GPM6A: variants seen among roughly 807,000 people sequenced by gnomAD.
The protein encoded by GPM6A is glycoprotein M6A, also known as neuronal membrane glycoprotein M6-a.
GPM6A carries 7 observed loss-of-function variants against 32.1 expected under a neutral mutation model. That is an observed-to-expected ratio of 0.22 (90% CI 0.12 to 0.41). The LOEUF (loss-of-function observed/expected upper bound fraction) is 0.41, where lower values mean the gene tolerates loss of function less well. GPM6A is among the 10% of genes least tolerant of loss of function. GPM6A has a pLI of 1.00. For missense variants in GPM6A, 235 were observed against 347.2 expected (o/e 0.68, Z 2.57); for synonymous variants, 130 against 123.4 (o/e 1.05, Z -0.35).
intron 1 of GPM6A, chr4:175,962,322 GC>G: frequency 1.0e-6 from 1 of 967,968 alleles, no homozygotes; most frequent in African/African-American, 1.6e-5. Context: ...GGGTCCTGTG[GC>G]CACTCCTGAA....
chr4:175,834,918 C>T (rs1206993609), intron 1 of GPM6A, among the ~76,000 whole-genome samples: 1 of 152,130 alleles, frequency 6.6e-6, no homozygotes, highest in African/African-American at 2.4e-5. Context: ...TCAAGAGCTC[C>T]CTTACCAGCC....
At chr4:175,838,318 G>A (rs950606467) in intron 1 of GPM6A, among the ~76,000 whole-genome samples, 9 of 149,080 alleles carry the variant, frequency 6.0e-5, no homozygotes, top group African/African-American at 1.7e-4. Context: ...TCATCCAAGC[G>A]TCAGACAGTA....
intron 1 of GPM6A, among the ~76,000 whole-genome samples, chr4:175,847,623 T>C (rs1487464181): frequency 6.6e-6 from 1 of 152,090 alleles, no homozygotes; most frequent in Non-Finnish European, 1.5e-5. Flanking sequence ...ATGCTGGCAA[T>C]TTGGATACGC....
intron 1 of GPM6A, among the ~76,000 whole-genome samples, chr4:175,844,977 A>G (rs2111391892): frequency 6.6e-6 from 1 of 152,220 alleles, no homozygotes; most frequent in South Asian, 2.1e-4. Context: ...GCTGTATTAT[A>G]TTTTGCATAA....
chr4:175,838,794 C>T (rs1218863476), intron 1 of GPM6A, among the ~76,000 whole-genome samples: 1 of 151,688 alleles, frequency 6.6e-6, no homozygotes, highest in Non-Finnish European at 1.5e-5. Flanking sequence ...CCTGGGACTG[C>T]AGGCCCACAA....
intron 1 of GPM6A, among the ~76,000 whole-genome samples, chr4:175,863,272 C>G (rs1166394588): frequency 6.6e-6 from 1 of 152,058 alleles, no homozygotes; most frequent in Admixed American, 6.6e-5. Context: ...CACGAGATCT[C>G]TTCTTTGACA....
intron 3 of GPM6A, among the ~76,000 whole-genome samples, chr4:175,669,468 C>T (rs1320689924): frequency 6.6e-6 from 1 of 152,074 alleles, no homozygotes; most frequent in Non-Finnish European, 1.5e-5. Flanking sequence ...TCCAAATACC[C>T]CAAATCTGCA....
chr4:175,845,113 A>G (rs979655233), intron 1 of GPM6A, among the ~76,000 whole-genome samples: 1 of 151,876 alleles, frequency 6.6e-6, no homozygotes, highest in Admixed American at 6.6e-5. Flanking sequence ...AAAAAAAGAG[A>G]AACATATTTT....
chr4:175,806,386 TA>T (rs965340984), intron 1 of GPM6A, among the ~76,000 whole-genome samples: 4 of 152,220 alleles, frequency 2.6e-5, no homozygotes, highest in African/African-American at 9.6e-5. Flanking sequence ...ATTAATGAAG[TA>T]ACTATATCAA....
At chr4:175,851,303 G>A (rs1459168700) in intron 1 of GPM6A, among the ~76,000 whole-genome samples, 1 of 152,068 alleles carries the variant, frequency 6.6e-6, no homozygotes, top group Non-Finnish European at 1.5e-5. Flanking sequence ...TGGCCAACAT[G>A]GTGAAATCCT....
intron 1 of GPM6A, among the ~76,000 whole-genome samples, chr4:175,879,944 G>A (rs767625670): frequency 3.9e-5 from 6 of 152,216 alleles, no homozygotes; most frequent in South Asian, 2.1e-4. Context: ...AAAAACAGGG[G>A]ACATGAAGTC....
chr4:175,727,245 G>A (rs1297471384), intron 1 of GPM6A, among the ~76,000 whole-genome samples: 1 of 152,154 alleles, frequency 6.6e-6, no homozygotes, highest in Non-Finnish European at 1.5e-5. Context: ...TACAAAAGTA[G>A]AAGCAGTACT....
chr4:175,815,299 G>A (rs1478584860), upstream of GPM6A, among the ~76,000 whole-genome samples: 1 of 152,182 alleles, frequency 6.6e-6, no homozygotes, highest in Non-Finnish European at 1.5e-5. Context: ...ACAGGCGTGA[G>A]CCACCAAGCC....
rs558202441 is a variant in GPM6A, at chr4:175,665,758, G to A, written c.387+7922C>T. Among the ~76,000 whole-genome samples the A allele has an allele frequency of 2.0e-5, 3 of 150,490 alleles. No individual in the cohort carries two copies. In the East Asian group the frequency reaches 6.0e-4, roughly 30 times the overall value. ...GATCATGCCACTGCACTCCAGCCTG[G>A]GCAACAAGAGCAAAACTCCATTTAA... On this transcript the variant is annotated intron_variant, in intron 3 of 6. Coordinates refer to ENST00000393658, the MANE Select transcript of GPM6A (RefSeq NM_201591.3).
intron 2 of GPM6A, among the ~76,000 whole-genome samples, chr4:175,699,261 T>A (rs1484061807): frequency 2.6e-5 from 4 of 152,144 alleles, no homozygotes; most frequent in African/African-American, 7.2e-5. Context: ...CTAGAGCATT[T>A]TAATTATATT....
intron 1 of GPM6A, among the ~76,000 whole-genome samples, chr4:175,832,666 T>C (rs775376852): frequency 1.7e-4 from 26 of 152,232 alleles, no homozygotes; most frequent in Admixed American, 1.4e-3. Flanking sequence ...AATAGTAGAA[T>C]GTTTTATGTC....
At chr4:175,663,684 T>TA (rs974549157) in intron 3 of GPM6A, among the ~76,000 whole-genome samples, 2 of 147,434 alleles carry the variant, frequency 1.4e-5, no homozygotes. Flanking sequence ...AATCAATTGG[T>TA]AAAATGTAAA....
chr4:175,933,709 A>AT (rs962725973), intron 1 of GPM6A, among the ~76,000 whole-genome samples: 20 of 151,672 alleles, frequency 1.3e-4, no homozygotes, highest in Non-Finnish European at 2.4e-4. Flanking sequence ...TGCCCGGCTA[A>AT]TTTTTTTTGT....
intron 1 of GPM6A, among the ~76,000 whole-genome samples, chr4:175,998,628 C>T (rs1366958480): frequency 1.3e-5 from 2 of 152,236 alleles, no homozygotes; most frequent in Non-Finnish European, 2.9e-5. Flanking sequence ...TCTCTTATTG[C>T]TCCATTTCCT....
Sources: gnomAD v4.1 joint callset for allele counts (sites outside exome capture counted in the v4.1 genomes callset) on GRCh38, gnomAD v4.1.1 for gene constraint, MANE v1.5 for transcripts, NCBI Gene and HGNC (gene_info 2026-07-23, HGNC 2026-07-21) for gene names.